RCOR3: variants seen among roughly 807,000 people sequenced by gnomAD.
RCOR3 encodes REST corepressor 3.
RCOR3 carries 13 observed loss-of-function variants against 64.1 expected under a neutral mutation model. That is an observed-to-expected ratio of 0.20 (90% CI 0.13 to 0.32). RCOR3 has a LOEUF of 0.32. Among genes scored for constraint, RCOR3 ranks in the 10% least tolerant of loss-of-function variants. The probability of loss-of-function intolerance (pLI) is 1.00; values close to 1 mark genes in which losing one functional copy is unlikely to be tolerated. For synonymous variants in RCOR3, 215 were observed against 239.0 expected (o/e 0.90, Z 0.93); for missense variants, 489 against 701.2 (o/e 0.70, Z 3.42).
intron 2 of RCOR3, among the ~76,000 whole-genome samples, chr1:211,268,032 G>T (rs1695499726): frequency 6.6e-6 from 1 of 152,174 alleles, no homozygotes; most frequent in Non-Finnish European, 1.5e-5. Flanking sequence ...TAAATATTTA[G>T]CATGATATGC....
Position 211,289,236 on chromosome 1 carries a change from A to G in RCOR3, c.779A>G (p.Gln260Arg). Reference sequence around the variant, plus strand: ...ATTGGACTTGGAAGAAGAGAGTATCAGAGTTTACAACATCGCCATCATTCT... The same window carrying G: ...ATTGGACTTGGAAGAAGAGAGTATCGGAGTTTACAACATCGCCATCATTCT... ...SKIGLGRREY[Q>R]SLQHRHHSQR... Residue 260 changes from glutamine to arginine, a missense_variant, in exon 8 of 12, where the codon CAG (glutamine) becomes CGG (arginine). Transcript: ENST00000419091. The G allele has an allele frequency of 6.2e-7, 1 of 1,614,120 alleles. No individual in the cohort carries two copies. Among genetic ancestry groups the G allele is most frequent in the Non-Finnish European group, 8.5e-7 (1 of 1,180,014 alleles).
intron 3 of RCOR3, among the ~76,000 whole-genome samples, chr1:211,272,644 C>T (rs1445073688): frequency 8.7e-5 from 1 of 11,494 alleles, no homozygotes; most frequent in Non-Finnish European, 4.3e-4. Context: ...TTTTTTGAGA[C>T]GGAGTCTCGC....
At chr1:211,290,801 C>T (rs1163946112) in intron 8 of RCOR3, among the ~76,000 whole-genome samples, 1 of 152,090 alleles carries the variant, frequency 6.6e-6, no homozygotes, top group South Asian at 2.1e-4. Flanking sequence ...TTTCTACTTG[C>T]CTTTAGCAGG....
chr1:211,270,958 C>T (rs930292866), intron 2 of RCOR3, among the ~76,000 whole-genome samples: 1 of 152,026 alleles, frequency 6.6e-6, no homozygotes, highest in African/African-American at 2.4e-5. Flanking sequence ...GGGTTCACGC[C>T]ATTCTCTTGC....
rs958579707 is a variant in RCOR3 at position 211,275,313 on chromosome 1, A to G, written c.355-944A>G. Among the ~76,000 whole-genome samples the G allele has an allele frequency of 4.9e-4, 75 of 152,050 alleles. 1 individual carries two copies. Among genetic ancestry groups the G allele is most frequent in the Non-Finnish European group, 1.9e-4 (13 of 67,924 alleles). On this transcript the variant is annotated intron_variant, in intron 4 of 11. Coordinates refer to ENST00000419091, the MANE Select transcript of RCOR3 (RefSeq NM_001136223.3). The stretch of plus-strand genomic sequence containing the variant: ...TTTGTGAAATTGAGATGTTTATTTT[A>G]TATCTATCTAAAGGTAGTTAACTTT...
At chr1:211,289,096 T>A in intron 7 of RCOR3, 82 bp from the exon 8 acceptor site, 2 of 1,035,270 alleles carry the variant, frequency 1.9e-6, no homozygotes, top group South Asian at 2.7e-5. Context: ...TTGCAGCAGA[T>A]ACTTCTAATA....
chr1:211,267,009 G>A (rs1440088922), intron 2 of RCOR3, among the ~76,000 whole-genome samples: 2 of 152,174 alleles, frequency 1.3e-5, no homozygotes, highest in African/African-American at 4.8e-5. Flanking sequence ...TTTTGTAGTT[G>A]ATAAGGTGAG....
At position 211,300,914 on chromosome 1, in the gene RCOR3, G is replaced by A. The variant is rs1293513108; in HGVS notation, c.1018-3169G>A. On this transcript the variant is annotated intron_variant, in intron 9 of 11. Coordinates refer to ENST00000419091, the MANE Select transcript of RCOR3 (RefSeq NM_001136223.3). ...GGGAGACTCTAGTGTGTATGCGTGC[G>A]TGCGTGTGTGTGTGTGTAAAACACT... Among the ~76,000 whole-genome samples the A allele has an allele frequency of 5.6e-5, 8 of 143,820 alleles. 1 individual carries two copies. The East Asian group carries it at 5.8e-4, about 11-fold the overall frequency. The allele number at this position is 143,820 out of a possible 152,430, so 94.4% of individuals were successfully genotyped here. A position where few individuals can be genotyped will look rare whatever the true frequency, so the allele number is the denominator to read the frequency against.
At chr1:211,310,053 G>A (rs528377773) in intron 10 of RCOR3, among the ~76,000 whole-genome samples, 31 of 152,316 alleles carry the variant, frequency 2.0e-4, no homozygotes, top group African/African-American at 7.5e-4. Flanking sequence ...AAGAACAATA[G>A]AATGAGGCTT....
At chr1:211,287,210 A>T (rs768559150) in intron 7 of RCOR3, among the ~76,000 whole-genome samples, 1 of 152,154 alleles carries the variant, frequency 6.6e-6, no homozygotes, top group Non-Finnish European at 1.5e-5. Flanking sequence ...AGTGAGATGG[A>T]CATGGCTCCC....
Position 211,313,487 on chromosome 1 carries a change from A to G in RCOR3, c.1381A>G (p.Thr461Ala). The change falls in exon 12 of 12, where the codon ACA (threonine) becomes GCA (alanine). Residue 461 changes from threonine (T) to alanine (A), a missense_variant. Physicochemically the swap from Thr to Ala is moderately conservative, Grantham distance 58 (BLOSUM62 0). Transcript: ENST00000419091. The surrounding 1 kb of genome is among the most constrained non-coding windows in gnomAD (Gnocchi z 4.7). Reference protein sequence around the residue: ...PSPPAPSSTPTPTAPIATLNQ... With the variant: ...PSPPAPSSTPAPTAPIATLNQ... ...ACCTCCTGCCCCATCATCCACTCCA[A>G]CACCAACAGCCCCTATTGCCACTCT... 6.2e-7 allele frequency: 1 copy of G among 1,613,882 alleles called. No individual in the cohort carries two copies. The highest frequency in any genetic ancestry group is 8.5e-7 in the Non-Finnish European group (1 of 1,179,952).
At chr1:211,264,653 T>C (rs954862550) in intron 2 of RCOR3, among the ~76,000 whole-genome samples, 2 of 152,166 alleles carry the variant, frequency 1.3e-5, no homozygotes, top group Admixed American at 1.3e-4. Context: ...CACTGTACTA[T>C]ACCCTGGGTG....
chr1:211,281,364 G>T (rs562532402), intron 7 of RCOR3, among the ~76,000 whole-genome samples: 42 of 152,048 alleles, frequency 2.8e-4, no homozygotes, highest in Non-Finnish European at 4.4e-4. Flanking sequence ...TGATCTCTCT[G>T]TTCTTCTCTG....
intron 7 of RCOR3, among the ~76,000 whole-genome samples, chr1:211,285,600 G>A (rs565321210): frequency 7.2e-5 from 11 of 152,336 alleles, no homozygotes; most frequent in African/African-American, 2.6e-4. Flanking sequence ...CAGGAATGTT[G>A]AGGAATTTGT....
At chr1:211,288,315 A>C (rs1698801732) in intron 7 of RCOR3, among the ~76,000 whole-genome samples, 1 of 151,468 alleles carries the variant, frequency 6.6e-6, no homozygotes, top group African/African-American at 2.4e-5. Context: ...TTTTTATATC[A>C]TACTTTAAGA....
chr1:211,304,318 T>G (rs1209156753), intron 10 of RCOR3, among the ~76,000 whole-genome samples, 178 bp downstream of exon 10: 10 of 152,214 alleles, frequency 6.6e-5, no homozygotes, highest in Admixed American at 6.5e-4. Flanking sequence ...TACTCAAGTC[T>G]ATGTGCATTT....
At position 211,314,031 on chromosome 1, in the gene RCOR3, AG is replaced by A; in HGVS notation, c.*264del. The stretch of plus-strand genomic sequence containing the variant: ...TTGATCTCATAAAAGGAAAAACAAA[AG>A]ATTTAAGTATTCTATATACCAAGTT... On this transcript the variant is annotated 3_prime_UTR_variant, in exon 12 of 12. Transcript: ENST00000419091. The A allele has an allele frequency of 4.8e-6, 2 of 413,408 alleles. No homozygotes were observed. The highest frequency in any genetic ancestry group is 8.7e-6 in the Non-Finnish European group (2 of 230,886). 25.6% of individuals were successfully genotyped at this position (413,408 alleles called of 1,614,324 possible).
intron 3 of RCOR3, among the ~76,000 whole-genome samples, chr1:211,272,049 T>G (rs2102473946): frequency 6.6e-6 from 1 of 152,356 alleles, no homozygotes; most frequent in Middle Eastern, 3.4e-3. Flanking sequence ...CCATGAAAAT[T>G]AATGATATCC....
At chr1:211,263,820 G>GT (rs66824153) in intron 2 of RCOR3, among the ~76,000 whole-genome samples, 2 of 149,958 alleles carry the variant, frequency 1.3e-5, no homozygotes, top group South Asian at 2.1e-4. Flanking sequence ...TTTTTGTTTT[G>GT]TTTTTTTTTT....
Sources: gnomAD v4.1 joint callset for allele counts (sites outside exome capture counted in the v4.1 genomes callset) on GRCh38, gnomAD v4.1.1 for gene constraint, Gnocchi (gnomAD v3.1) non-coding constraint, MANE v1.5 for transcripts, NCBI Gene and HGNC (gene_info 2026-07-23, HGNC 2026-07-21) for gene names.